Variants in ZCCHC7 observed in about 807,000 individuals in gnomAD.
ZCCHC7 encodes zinc finger CCHC-type containing 7.
ZCCHC7 carries 35 observed loss-of-function variants against 52.0 expected under a neutral mutation model. The ratio of observed to expected loss-of-function variants is 0.67; its 90% CI spans 0.51 to 0.89. ZCCHC7 has a LOEUF of 0.89. Ranked by LOEUF, ZCCHC7 falls within the 40% of genes least tolerant of loss-of-function variation. The pLI is 0.00. For missense variants in ZCCHC7, 574 were observed against 649.1 expected (o/e 0.88, Z 1.26); for synonymous variants, 217 against 221.5 (o/e 0.98, Z 0.18).
intron 2 of ZCCHC7, 66 bp from the exon 3 acceptor site, chr9:37,302,122 A>C (rs1449908110): frequency 7.7e-7 from 1 of 1,303,110 alleles, no homozygotes; most frequent in Non-Finnish European, 1.1e-6. Context: ...AAATTGTGTA[A>C]TCTATTGTCA....
intron 2 of ZCCHC7, among the ~76,000 whole-genome samples, chr9:37,233,893 T>G (rs566936): frequency 0.58 from 87,888 of 152,050 alleles, 26,086 homozygotes; most frequent in African/African-American, 0.71. Context: ...TTACTGTGTC[T>G]CCCAGGCTGG....
At chr9:37,296,881 T>TTGTGTGCGTG (rs1828808111) in intron 2 of ZCCHC7, among the ~76,000 whole-genome samples, 1 of 124,136 alleles carries the variant, frequency 8.1e-6, no homozygotes, top group Admixed American at 8.5e-5. Context: ...CCTGGCTAGT[T>TTGTGTGCGTG]TGTGTGTGTG....
rs140856028 is a variant in ZCCHC7, at chr9:37,224,494, T to A, written c.611-77694T>A. 9.0e-4 allele frequency among the ~76,000 whole-genome samples: 137 copies of A among 152,236 alleles called. 3 individuals carry two copies. The East Asian group carries it at 0.025, about 28-fold the overall frequency. On this transcript the variant is annotated intron_variant, in intron 2 of 8. Coordinates refer to ENST00000336755, the MANE Select transcript of ZCCHC7 (RefSeq NM_032226.3). ...CTCCTGCTTCAAACTAGAAAAGCAG[T>A]CTACAAAATAAAATAATTGTTTATA...
chr9:37,310,969 A>C (rs1047168092), intron 5 of ZCCHC7, among the ~76,000 whole-genome samples: 36 of 151,556 alleles, frequency 2.4e-4, no homozygotes, highest in African/African-American at 8.5e-4. Flanking sequence ...TAAAAAAAAA[A>C]AAAAAAAAAA....
At chr9:37,347,553 C>T (rs992639858) in intron 6 of ZCCHC7, among the ~76,000 whole-genome samples, 3 of 152,086 alleles carry the variant, frequency 2.0e-5, no homozygotes, top group African/African-American at 4.8e-5. Flanking sequence ...AGTTAACTAT[C>T]GCCATGTTGA....
At chr9:37,193,491 A>G (rs1823124062) in intron 2 of ZCCHC7, among the ~76,000 whole-genome samples, 1 of 152,198 alleles carries the variant, frequency 6.6e-6, no homozygotes, top group South Asian at 2.1e-4. Flanking sequence ...TATTTTGTAT[A>G]AAACATTCTT....
intron 2 of ZCCHC7, among the ~76,000 whole-genome samples, chr9:37,226,620 C>G (rs1474963003): frequency 1.3e-5 from 2 of 152,072 alleles, no homozygotes; most frequent in Non-Finnish European, 2.9e-5. Flanking sequence ...GGTGCTGGAC[C>G]AGTCTATAGC....
chr9:37,335,859 A>G (rs187740243), intron 6 of ZCCHC7, among the ~76,000 whole-genome samples: 1 of 152,320 alleles, frequency 6.6e-6, no homozygotes, highest in African/African-American at 2.4e-5. Flanking sequence ...TGTGTATCAT[A>G]AAAATGCAAT....
chr9:37,351,385 A>C (rs1374208654), intron 7 of ZCCHC7, among the ~76,000 whole-genome samples: 1 of 152,164 alleles, frequency 6.6e-6, no homozygotes, highest in African/African-American at 2.4e-5. Context: ...AGCTCACTGC[A>C]GCTTTGACCT....
At chr9:37,123,364 A>G (rs1389491552) in intron 1 of ZCCHC7, among the ~76,000 whole-genome samples, 1 of 152,204 alleles carries the variant, frequency 6.6e-6, no homozygotes, top group African/African-American at 2.4e-5. Context: ...TGGCATACAT[A>G]AACTACCTAA....
intron 6 of ZCCHC7, among the ~76,000 whole-genome samples, chr9:37,342,432 T>C (rs1820699487): frequency 6.6e-6 from 1 of 152,144 alleles, no homozygotes; most frequent in African/African-American, 2.4e-5. Context: ...AGGCTGAAGA[T>C]AGAATTTTAG....
At chr9:37,128,879 G>T (rs931042376) in intron 2 of ZCCHC7, among the ~76,000 whole-genome samples, 2 of 152,184 alleles carry the variant, frequency 1.3e-5, no homozygotes, top group East Asian at 1.9e-4. Context: ...TGGGTTAGGC[G>T]TAACACTATA....
intron 2 of ZCCHC7, among the ~76,000 whole-genome samples, chr9:37,289,846 T>C (rs1270756805): frequency 6.6e-6 from 1 of 152,228 alleles, no homozygotes; most frequent in Non-Finnish European, 1.5e-5. Flanking sequence ...CTTAAACACA[T>C]CAGGAATATT....
chr9:37,205,675 C>A (rs1016901115), intron 2 of ZCCHC7, among the ~76,000 whole-genome samples: 7 of 149,992 alleles, frequency 4.7e-5, no homozygotes, highest in Admixed American at 1.3e-4. Context: ...TGCGACCACA[C>A]CTGGTTAATT....
At chr9:37,274,530 G>A (rs970378311) in intron 2 of ZCCHC7, among the ~76,000 whole-genome samples, 1 of 151,168 alleles carries the variant, frequency 6.6e-6, no homozygotes, top group Non-Finnish European at 1.5e-5. Context: ...GTAGAGATGG[G>A]GTTTCACTAT....
intron 2 of ZCCHC7, among the ~76,000 whole-genome samples, chr9:37,157,962 A>G (rs1482747614): frequency 6.6e-6 from 1 of 152,212 alleles, no homozygotes; most frequent in African/African-American, 2.4e-5. Context: ...AGGAAATGCA[A>G]CTACTGTCTT....
intron 6 of ZCCHC7, among the ~76,000 whole-genome samples, chr9:37,332,995 C>T (rs1457775696): frequency 6.6e-6 from 1 of 151,478 alleles, no homozygotes; most frequent in Non-Finnish European, 1.5e-5. Flanking sequence ...TTCTTCTTTA[C>T]AAAGAAATAC....
At chr9:37,208,795 A>G (rs1824055873) in intron 2 of ZCCHC7, among the ~76,000 whole-genome samples, 1 of 152,098 alleles carries the variant, frequency 6.6e-6, no homozygotes. Context: ...TTTTCCACCA[A>G]GCAGCTAGAG....
At chr9:37,221,728 T>C (rs1564187839) in intron 2 of ZCCHC7, among the ~76,000 whole-genome samples, 1 of 152,164 alleles carries the variant, frequency 6.6e-6, no homozygotes, top group Non-Finnish European at 1.5e-5. Flanking sequence ...AAATGATGGC[T>C]CTGTTGATTA....
Sources: allele counts gnomAD v4.1 joint callset (sites outside exome capture counted in the v4.1 genomes callset), GRCh38; gene constraint gnomAD v4.1.1; transcripts MANE v1.5; gene names NCBI Gene and HGNC (gene_info 2026-07-23, HGNC 2026-07-21).